The following NPHP1 variants were observed in gnomAD, a reference collection of about 807,000 sequenced individuals.
NPHP1 encodes nephrocystin 1, also known as nephrocystin-1.
In NPHP1, 70 loss-of-function variants were observed where a neutral mutation model predicts 90.4. The ratio of observed to expected loss-of-function variants is 0.77; its 90% CI spans 0.64 to 0.95. NPHP1 has a LOEUF of 0.95. Among genes scored for constraint, NPHP1 ranks in the 40% least tolerant of loss-of-function variants. NPHP1 has a pLI of 0.00. For synonymous variants in NPHP1, 256 were observed against 271.7 expected, an observed-to-expected ratio of 0.94 and a Z score of 0.57; for missense variants, 764 against 795.9, an observed-to-expected ratio of 0.96 and a Z score of 0.48.
Position 110,163,089 on chromosome 2 carries a change from GC to G in NPHP1, c.817del (p.Ala273GlnfsTer38). On this transcript the variant is annotated frameshift_variant, in exon 9 of 20. Coordinates refer to ENST00000445609, the MANE Select transcript of NPHP1 (RefSeq NM_001128178.3). LOFTEE classifies it high-confidence loss of function. ...DVLTTMGAIP[A>X]GFRPSTLSQL... is the part of the protein sequence containing the mutation. ...TGAGAGCGTGGAAGGCCTGAACCCT[GC>G]AGGAATAGCTCCCATCGTAGTTAAC... The G allele has an allele frequency of 6.2e-7, 1 of 1,613,630 alleles. No individual in the cohort carries two copies. The highest frequency in any genetic ancestry group is 8.5e-7 in the Non-Finnish European group (1 of 1,179,556).
At chr2:110,125,332 G>A in intron 19 of NPHP1, 17 of 1,518,016 alleles carry the variant, frequency 1.1e-5, no homozygotes, top group Non-Finnish European at 1.5e-5. Flanking sequence ...AGCTAGAGAA[G>A]TTTTTTAAAA....
intron 16 of NPHP1, among the ~76,000 whole-genome samples, chr2:110,141,834 G>A (rs775624820): frequency 7.8e-4 from 118 of 151,876 alleles, no homozygotes; most frequent in African/African-American, 2.7e-3. Context: ...TTAGCAGGGC[G>A]TGGTGGCGGG....
At chr2:110,187,614 C>T (rs1368328125) in intron 2 of NPHP1, among the ~76,000 whole-genome samples, 1 of 152,156 alleles carries the variant, frequency 6.6e-6, no homozygotes, top group Non-Finnish European at 1.5e-5. Context: ...GGAACCATTT[C>T]TACTGAAATT....
intron 6 of NPHP1, among the ~76,000 whole-genome samples, chr2:110,167,453 T>C (rs1032579365): frequency 6.6e-6 from 1 of 152,070 alleles, no homozygotes; most frequent in African/African-American, 2.4e-5. Flanking sequence ...GAAAAACCCC[T>C]AAATGATGGG....
rs866536008 is a variant in NPHP1, at chr2:110,180,460, T to G, written c.144-776A>C. On this transcript the variant is annotated intron_variant, in intron 2 of 19. Coordinates refer to ENST00000445609, the MANE Select transcript of NPHP1 (RefSeq NM_001128178.3). ...ATGCCGTTTGAGTCTTTTTTTTTTTTTTTTTTTTTTTGCTTATAGATGTGA... is the reference window on the plus strand; with the variant it reads ...ATGCCGTTTGAGTCTTTTTTTTTTTGTTTTTTTTTTTGCTTATAGATGTGA... 8.4e-3 allele frequency among the ~76,000 whole-genome samples: 1,246 copies of G among 147,900 alleles called. 9 individuals are homozygous for G. Among genetic ancestry groups the G allele is most frequent in the African/African-American group, 0.03 (1,192 of 40,268 alleles).
Position 110,125,398 on chromosome 2 carries a change from T to C in NPHP1, c.1761+239A>G, listed in dbSNP as rs1679279732. ...CTTTGGCTTAGAAACTTCCCCTTTATTTAAATAAAACTCAGTAATCTGAAA... is the reference window on the plus strand; with the variant it reads ...CTTTGGCTTAGAAACTTCCCCTTTACTTAAATAAAACTCAGTAATCTGAAA... On this transcript the variant is annotated intron_variant, in intron 19 of 19. Transcript: ENST00000445609. 2.9e-6 allele frequency: 4 copies of C among 1,401,558 alleles called. No homozygotes were observed. In the African/African-American group the frequency reaches 5.8e-5, roughly 20 times the overall value. The allele number at this position is 1,401,558 out of a possible 1,614,324, so 86.8% of individuals were successfully genotyped here.
chr2:110,150,236 T>A lies in NPHP1; in HGVS notation c.1104A>T (p.Thr368=). ...DGNKVLSNIH[T]VRATWQPKKP... ...TTTTAGGTTGCCATGTGGCTCTGAC[T>A]GTATGAATGTTGCTCAGAACCTGAA... Residue 368 remains threonine (T), a synonymous_variant, in exon 12 of 20, where the codon ACA becomes ACT. Coordinates refer to ENST00000445609, the MANE Select transcript of NPHP1 (RefSeq NM_001128178.3). 1 of 1,613,972 alleles carries A rather than the reference T, an allele frequency of 6.2e-7. No individual in the cohort carries two copies. Among genetic ancestry groups the A allele is most frequent in the Non-Finnish European group, 8.5e-7 (1 of 1,179,848 alleles).
chr2:110,178,809 A>T, intron 3 of NPHP1: 1 of 367,448 alleles, frequency 2.7e-6, no homozygotes, highest in Admixed American at 4.3e-5. Flanking sequence ...TTCCATAGTC[A>T]GTAAGAGATA....
chr2:110,135,372 G>T (rs1402529908), intron 16 of NPHP1, among the ~76,000 whole-genome samples: 1 of 150,370 alleles, frequency 6.7e-6, no homozygotes, highest in African/African-American at 2.4e-5. Flanking sequence ...AGCTACTTGG[G>T]AGGCTGAGGC....
chr2:110,172,962 C>CTTTTTTTTT (rs559012343), intron 4 of NPHP1, among the ~76,000 whole-genome samples: 12 of 136,102 alleles, frequency 8.8e-5, no homozygotes, highest in Admixed American at 2.2e-4. Flanking sequence ...TTTTCTTTTT[C>CTTTTTTTTT]TTTTTTTTTT....
chr2:110,204,341 G>C, intron 1 of NPHP1, among the ~76,000 whole-genome samples: 1 of 152,066 alleles, frequency 6.6e-6, no homozygotes, highest in South Asian at 2.1e-4. Flanking sequence ...AACATTCCTC[G>C]TATGTTTATG....
chr2:110,201,968 C>T (rs75894757), intron 1 of NPHP1, among the ~76,000 whole-genome samples: 3,143 of 152,238 alleles, frequency 0.021, 55 homozygotes, highest in Admixed American at 0.032. Flanking sequence ...ACAGACAAAC[C>T]TGTTTTGATA....
chr2:110,129,385 C>A, intron 17 of NPHP1, 126 bp from the exon 18 acceptor site: 1 of 776,362 alleles, frequency 1.3e-6, no homozygotes, highest in Admixed American at 2.0e-5. Context: ...ACATTCTACA[C>A]ACTTTGACTT....
chr2:110,185,569 C>T (rs1684228708), intron 2 of NPHP1, among the ~76,000 whole-genome samples: 1 of 152,158 alleles, frequency 6.6e-6, no homozygotes. Context: ...CTGGCCCCAC[C>T]CTCACTCCCA....
chr2:110,160,339 T>C (rs1480225766), intron 10 of NPHP1, 84 bp from the exon 11 acceptor site: 10 of 1,132,532 alleles, frequency 8.8e-6, no homozygotes, highest in Admixed American at 6.0e-5. Flanking sequence ...CTTATGAAAA[T>C]GTATACAGAA....
chr2:110,144,625 TG>T, intron 14 of NPHP1, 56 bp from the exon 15 acceptor site: 1 of 999,886 alleles, frequency 1.0e-6, no homozygotes, highest in Non-Finnish European at 1.6e-6. Context: ...TAGAAAACAC[TG>T]GAGTCAGTAG....
chr2:110,169,181 A>C (rs1682932686), intron 5 of NPHP1, among the ~76,000 whole-genome samples: 1 of 151,526 alleles, frequency 6.6e-6, no homozygotes, highest in East Asian at 1.9e-4. Context: ...GGAGAATTTG[A>C]AAAAAAAATC....
chr2:110,125,513 G>T lies in NPHP1; in HGVS notation c.1761+124C>A. The T allele has an allele frequency of 3.4e-6, 4 of 1,169,244 alleles. No homozygotes were observed. In the South Asian group the frequency reaches 3.7e-5, roughly 11 times the overall value. 72.4% of individuals were successfully genotyped at this position (1,169,244 alleles called of 1,614,324 possible). ...GTGTTTTTGCAGCCATAATGAAACA[G>T]TTTCCCTGGTTAAGAGGGATTATGA... On this transcript the variant is annotated intron_variant, in intron 19 of 19. Coordinates refer to ENST00000445609, the MANE Select transcript of NPHP1 (RefSeq NM_001128178.3).
chr2:110,177,830 C>T (rs1683611604), intron 4 of NPHP1, among the ~76,000 whole-genome samples: 1 of 151,838 alleles, frequency 6.6e-6, no homozygotes, highest in Admixed American at 6.6e-5. Context: ...CAGCCTGGAA[C>T]TTCTGGGCTC....
Sources: gnomAD v4.1 joint callset for allele counts (sites outside exome capture counted in the v4.1 genomes callset) on GRCh38, gnomAD v4.1.1 for gene constraint, MANE v1.5 for transcripts, NCBI Gene and HGNC (gene_info 2026-07-23, HGNC 2026-07-21) for gene names.